The following PPP1R37 variants were observed in gnomAD, a reference collection of about 807,000 sequenced individuals.
The protein encoded by PPP1R37 is leucine rich repeat containing 68.
Under a neutral mutation model 61.0 loss-of-function variants are expected in PPP1R37, and 21 were observed. The observed-to-expected ratio is 0.34, with a 90% CI of 0.24 to 0.50. The LOEUF is 0.50. Among genes scored for constraint, PPP1R37 ranks in the 20% least tolerant of loss-of-function variants. The pLI is 0.98. For synonymous variants in PPP1R37, 443 were observed against 433.5 expected, an observed-to-expected ratio of 1.02 and a Z score of -0.27; for missense variants, 910 against 952.7, an observed-to-expected ratio of 0.96 and a Z score of 0.59.
chr19:45,135,064 G>A (rs2003345), intron 1 of PPP1R37, among the ~76,000 whole-genome samples: 5,358 of 152,196 alleles, frequency 0.035, 316 homozygotes, highest in African/African-American at 0.12. Flanking sequence ...CCTGACCAAC[G>A]TGGTGAAACC....
chr19:45,146,160 G>A (rs372768886), intron 11 of PPP1R37, 111 bp downstream of exon 11: 11 of 1,220,142 alleles, frequency 9.0e-6, no homozygotes, highest in South Asian at 6.3e-5. Flanking sequence ...AATGGTTCTC[G>A]CAGGGGCCAG....
chr19:45,144,566 A>C (rs1968658514), intron 8 of PPP1R37: 1 of 431,406 alleles, frequency 2.3e-6, no homozygotes, highest in African/African-American at 2.1e-5. Flanking sequence ...CAGGGCGCTC[A>C]AGGTCCAGGC....
chr19:45,109,560 G>A (rs1599693383), intron 1 of PPP1R37, among the ~76,000 whole-genome samples: 1 of 152,334 alleles, frequency 6.6e-6, no homozygotes, highest in South Asian at 2.1e-4. Context: ...CCACATTTTT[G>A]CAGATAAGAA....
Position 45,093,274 on chromosome 19 carries a change from T to C in PPP1R37, c.-52T>C, listed in dbSNP as rs1028198521. 66 of 1,322,932 alleles carry C rather than the reference T, an allele frequency of 5.0e-5. No individual in the cohort carries two copies. The highest frequency in any genetic ancestry group is 6.1e-5 in the Non-Finnish European group (63 of 1,031,502). 81.9% of individuals were successfully genotyped at this position (1,322,932 alleles called of 1,614,324 possible). On this transcript the variant is annotated 5_prime_UTR_variant, in exon 1 of 13. Transcript: ENST00000221462. ...CGGCGGGCGGACCCGGAGAGACAAA[T>C]CCGGGGCCCGGGGCATGTCCCCGGG...
At chr19:45,108,397 A>G (rs1376216145) in intron 1 of PPP1R37, among the ~76,000 whole-genome samples, 1 of 150,260 alleles carries the variant, frequency 6.7e-6, no homozygotes, top group African/African-American at 2.5e-5. Flanking sequence ...TTTAGTAGAG[A>G]CGGGGTTTCA....
chr19:45,095,734 G>A (rs920440742), intron 1 of PPP1R37, among the ~76,000 whole-genome samples: 1 of 147,798 alleles, frequency 6.8e-6, no homozygotes, highest in Non-Finnish European at 1.5e-5. Context: ...CTGAACTCCA[G>A]CTTGGGTGAC....
At position 45,138,905 on chromosome 19, in the gene PPP1R37, C is replaced by CTTTTTTTTTTTT. The variant is rs34081163; in HGVS notation, c.300+308_300+319dup. 6.6e-4 allele frequency among the ~76,000 whole-genome samples: 48 copies of CTTTTTTTTTTTT among 73,056 alleles called. 1 individual carries two copies. Among genetic ancestry groups the CTTTTTTTTTTTT allele is most frequent in the African/African-American group, 2.2e-3 (42 of 18,686 alleles). The allele number at this position is 73,056 out of a possible 152,430, so 47.9% of individuals were successfully genotyped here. ...GTCTGAATTACAAAATTTATGTATT[C>CTTTTTTTTTTTT]TTTTTTTTTTTTTTTTTTTTTTTTT... On this transcript the variant is annotated intron_variant, in intron 2 of 12. Coordinates refer to ENST00000221462, the MANE Select transcript of PPP1R37 (RefSeq NM_019121.2).
rs578218677 is a variant in PPP1R37 at position 45,145,933 on chromosome 19, C to T, written c.1877C>T (p.Pro626Leu). 73 of 1,534,782 alleles carry T rather than the reference C, an allele frequency of 4.8e-5. No homozygotes were observed. The highest frequency in any genetic ancestry group is 3.1e-4 in the African/African-American group (23 of 73,030). The change falls in exon 11 of 13, where the codon CCG becomes CTG. Residue 626 changes from proline to leucine, a missense_variant. Coordinates refer to ENST00000221462, the MANE Select transcript of PPP1R37 (RefSeq NM_019121.2). ...GSSEPQPPPE[P>L]PRSGPPLPNG... ...TCTGAGCCTCAGCCACCACCGGAGC[C>T]GCCTCGGTCAGGGCCACCACTGCCC...
intron 2 of PPP1R37, among the ~76,000 whole-genome samples, 172 bp from the exon 3 acceptor site, chr19:45,140,064 G>A (rs552974423): frequency 6.6e-6 from 1 of 152,330 alleles, no homozygotes; most frequent in Admixed American, 6.5e-5. Flanking sequence ...CGCTGTCTAA[G>A]GCCCTGTACC....
chr19:45,141,250 G>A (rs1168341503), intron 4 of PPP1R37, 72 bp from the exon 5 acceptor site: 32 of 1,450,760 alleles, frequency 2.2e-5, no homozygotes, highest in East Asian at 7.5e-5. Context: ...GGTGGGGCCC[G>A]GTGTCAGGGC....
In PPP1R37 at chr19:45,110,722, C is replaced by T. The variant is rs548610433; in HGVS notation, c.202+17195C>T. ...AGACCTCTGAGGGTTGGTGGCATTACCCTCTTGTTATGAAGGAGGAAGGTG... is the reference window on the plus strand; with the variant it reads ...AGACCTCTGAGGGTTGGTGGCATTATCCTCTTGTTATGAAGGAGGAAGGTG... On this transcript the variant is annotated intron_variant, in intron 1 of 12. Transcript: ENST00000221462. 2.6e-5 allele frequency among the ~76,000 whole-genome samples: 4 copies of T among 152,284 alleles called. No homozygotes were observed. The South Asian group carries it at 6.2e-4, about 24-fold the overall frequency.
chr19:45,095,099 T>C (rs1282267015), intron 1 of PPP1R37, among the ~76,000 whole-genome samples: 4 of 152,138 alleles, frequency 2.6e-5, no homozygotes, highest in Admixed American at 2.0e-4. Flanking sequence ...CTGTGGACAA[T>C]GGAGGAATTG....
chr19:45,108,043 G>C (rs908562686), intron 1 of PPP1R37, among the ~76,000 whole-genome samples: 1 of 152,134 alleles, frequency 6.6e-6, no homozygotes. Flanking sequence ...AAAATTCTTA[G>C]AAGGTGATTT....
intron 1 of PPP1R37, among the ~76,000 whole-genome samples, chr19:45,126,703 G>A (rs75011035): frequency 0.091 from 13,853 of 152,210 alleles, 895 homozygotes; most frequent in Non-Finnish European, 0.13. Flanking sequence ...CATGTGTTGC[G>A]GTGTTTCCTG....
chr19:45,111,421 C>T (rs562270170), intron 1 of PPP1R37, among the ~76,000 whole-genome samples: 7 of 152,122 alleles, frequency 4.6e-5, no homozygotes, highest in South Asian at 2.1e-4. Flanking sequence ...ATTACAAGTG[C>T]GCACCACCAC....
chr19:45,145,945 G>A lies in PPP1R37; in HGVS notation c.1889G>A (p.Gly630Glu). 1 of 1,534,712 alleles carries A rather than the reference G, an allele frequency of 6.5e-7. No homozygotes were observed. Among genetic ancestry groups the A allele is most frequent in the Non-Finnish European group, 8.7e-7 (1 of 1,146,438 alleles). ...CCACCACCGGAGCCGCCTCGGTCAG[G>A]GCCACCACTGCCCAACGGCCTGAAG... ...PQPPPEPPRS[G>E]PPLPNGLKPE... is the part of the protein sequence containing the mutation. Residue 630 changes from glycine (G) to glutamate (E), a missense_variant, in exon 11 of 13, where the codon GGG becomes GAG. Physicochemically the swap from Gly to Glu is moderately conservative, Grantham distance 98. Coordinates refer to ENST00000221462, the MANE Select transcript of PPP1R37 (RefSeq NM_019121.2).
intron 1 of PPP1R37, among the ~76,000 whole-genome samples, chr19:45,110,116 C>CT (rs373508881): frequency 0.15 from 21,843 of 142,332 alleles, 1,790 homozygotes; most frequent in Non-Finnish European, 0.17. Flanking sequence ...TTCCCTTTTT[C>CT]TTTTTTTTTT....
At chr19:45,143,150 A>C in intron 7 of PPP1R37, 1 of 191,236 alleles carries the variant, frequency 5.2e-6, no homozygotes, top group Admixed American at 5.6e-5. Flanking sequence ...GGGAGTTTGT[A>C]CTCCAGTCTA....
rs543197970 is a variant in PPP1R37, at chr19:45,121,605, G to A, written c.203-16909G>A. ...CGCAGTGAATATACAGGGTCCTCAC[G>A]CAAGGACCTGAGAGATGTGTGGGCA... is the stretch of plus-strand genomic sequence containing the variant. On this transcript the variant is annotated intron_variant, in intron 1 of 12. Coordinates refer to ENST00000221462, the MANE Select transcript of PPP1R37 (RefSeq NM_019121.2). The surrounding 1 kb of genome is among the most constrained non-coding windows in gnomAD (Gnocchi z 4.2). Among the ~76,000 whole-genome samples, 7 of 152,238 alleles carry A rather than the reference G, an allele frequency of 4.6e-5. No homozygotes were observed. Among genetic ancestry groups the A allele is most frequent in the African/African-American group, 1.2e-4 (5 of 41,464 alleles).
Sources: allele counts gnomAD v4.1 joint callset (sites outside exome capture counted in the v4.1 genomes callset), GRCh38; gene constraint gnomAD v4.1.1; non-coding constraint Gnocchi (gnomAD v3.1); transcripts MANE v1.5; gene names NCBI Gene and HGNC (gene_info 2026-07-23, HGNC 2026-07-21).